SLC25A48: variants seen among roughly 807,000 people sequenced by gnomAD.
SLC25A48 encodes the protein solute carrier family 25 member 48.
Under a neutral mutation model 32.2 loss-of-function variants are expected in SLC25A48, and 29 were observed. The observed-to-expected ratio is 0.90, with a 90% CI of 0.67 to 1.23. The LOEUF is 1.23. Ranked by LOEUF, SLC25A48 falls within the 50% of genes most tolerant of loss-of-function variation. The pLI is 0.00. For synonymous variants in SLC25A48, 164 were observed against 172.3 expected (o/e 0.95, Z 0.38); for missense variants, 399 against 422.7 (o/e 0.94, Z 0.49).
intron 1 of SLC25A48, among the ~76,000 whole-genome samples, chr5:135,582,787 G>T (rs1053029985): frequency 1.3e-5 from 2 of 152,144 alleles, no homozygotes; most frequent in African/African-American, 4.8e-5. Flanking sequence ...TCCACCTGCA[G>T]TGCTCCTCCC....
intron 2 of SLC25A48, among the ~76,000 whole-genome samples, chr5:135,843,904 A>G (rs1759208433): frequency 6.6e-6 from 1 of 152,132 alleles, no homozygotes; most frequent in African/African-American, 2.4e-5. Flanking sequence ...CCAGCCCTGC[A>G]CACCCAGGCC....
At chr5:135,885,413 C>A (rs553873138) in intron 7 of SLC25A48, among the ~76,000 whole-genome samples, 1 of 152,284 alleles carries the variant, frequency 6.6e-6, no homozygotes, top group East Asian at 1.9e-4. Context: ...GACACTCTTA[C>A]CCCCAGCATC....
At chr5:135,880,253 A>C in intron 7 of SLC25A48, 156 bp downstream of exon 7, 3 of 1,120,418 alleles carry the variant, frequency 2.7e-6, no homozygotes, top group Non-Finnish European at 3.7e-6. Flanking sequence ...TTCGTCACCA[A>C]ACAGCAGTTC....
chr5:135,674,230 A>G (rs1160928983), intron 3 of SLC25A48, among the ~76,000 whole-genome samples: 1 of 152,022 alleles, frequency 6.6e-6, no homozygotes, highest in Non-Finnish European at 1.5e-5. Flanking sequence ...AAGTCAGGGT[A>G]TTTGGAGTGT....
At chr5:135,630,532 T>A (rs1315602600) in intron 2 of SLC25A48, among the ~76,000 whole-genome samples, 1 of 144,652 alleles carries the variant, frequency 6.9e-6, no homozygotes, top group Non-Finnish European at 1.5e-5. Flanking sequence ...TTTCTTCTGG[T>A]GCTCAGGGTG....
At position 135,780,276 on chromosome 5, in the gene SLC25A48, C is replaced by T. The variant is rs1159040486; in HGVS notation, c.-520-32247C>T. ...TAATTTTTTGTATTTTTAGTAGAGA[C>T]GGGGTTTCACCGTGTTAGCCAGGAT... On this transcript the variant is annotated intron_variant, in intron 3 of 10. Coordinates refer to the SLC25A48 transcript ENST00000646290. Among the ~76,000 whole-genome samples the T allele has an allele frequency of 4.6e-5, 5 of 107,708 alleles. 1 individual carries two copies. Among genetic ancestry groups the T allele is most frequent in the African/African-American group, 1.4e-4 (5 of 36,094 alleles). 70.7% of individuals were successfully genotyped at this position (107,708 alleles called of 152,430 possible).
At chr5:135,884,850 T>C (rs981066009) in intron 7 of SLC25A48, among the ~76,000 whole-genome samples, 3 of 151,480 alleles carry the variant, frequency 2.0e-5, no homozygotes, top group Non-Finnish European at 4.4e-5. Flanking sequence ...GAGGCTGAGA[T>C]GCAACAACCA....
intron 4 of SLC25A48, chr5:135,812,931 G>A (rs1360685753): frequency 3.9e-5 from 6 of 152,738 alleles, no homozygotes; most frequent in East Asian, 3.9e-4. Flanking sequence ...TTAAAGGTGA[G>A]TGCCAGCTGC....
intron 3 of SLC25A48, among the ~76,000 whole-genome samples, chr5:135,663,777 A>G (rs943682271): frequency 1.3e-5 from 2 of 152,148 alleles, no homozygotes; most frequent in Non-Finnish European, 2.9e-5. Context: ...TCCACCTGTT[A>G]TCACAAGATT....
upstream of SLC25A48, among the ~76,000 whole-genome samples, chr5:135,831,034 T>C (rs55883620): frequency 0.19 from 28,838 of 152,012 alleles, 2,908 homozygotes; most frequent in Middle Eastern, 0.25. Context: ...GATGCTTTGG[T>C]ATAGATCTGA....
At chr5:135,767,959 G>GT (rs1358847346) in intron 3 of SLC25A48, among the ~76,000 whole-genome samples, 87 of 147,192 alleles carry the variant, frequency 5.9e-4, no homozygotes, top group Admixed American at 2.1e-3. Context: ...TAATATCCGG[G>GT]GGGGGGAGAG....
chr5:135,642,027 T>A (rs1453166636), intron 3 of SLC25A48, among the ~76,000 whole-genome samples: 2 of 152,242 alleles, frequency 1.3e-5, no homozygotes, highest in African/African-American at 4.8e-5. Flanking sequence ...TAAGATCTTA[T>A]CTCTTTAATG....
chr5:135,757,939 A>G (rs896755348), intron 3 of SLC25A48, among the ~76,000 whole-genome samples: 2 of 150,548 alleles, frequency 1.3e-5, no homozygotes, highest in African/African-American at 2.4e-5. Flanking sequence ...TAAAATATCT[A>G]CATGATATTT....
At chr5:135,680,036 G>T (rs1026477409) in intron 3 of SLC25A48, among the ~76,000 whole-genome samples, 3 of 152,136 alleles carry the variant, frequency 2.0e-5, no homozygotes, top group African/African-American at 7.2e-5. Flanking sequence ...GCACTGGGTT[G>T]CCTCTCCAAG....
intron 3 of SLC25A48, among the ~76,000 whole-genome samples, chr5:135,689,495 G>A (rs1033455491): frequency 2.0e-5 from 3 of 152,134 alleles, no homozygotes; most frequent in Non-Finnish European, 4.4e-5. Flanking sequence ...TAAAAGAAAG[G>A]GCCTTGAGAG....
chr5:135,824,288 G>T (rs1461621551), intron 4 of SLC25A48: 1 of 152,368 alleles, frequency 6.6e-6, no homozygotes, highest in Non-Finnish European at 1.5e-5. Context: ...ACCACAGTCA[G>T]GTTTGGGCTT....
chr5:135,630,613 TTTTTTTTTGA>T (rs1294982175), intron 2 of SLC25A48, among the ~76,000 whole-genome samples: 1 of 121,318 alleles, frequency 8.2e-6, no homozygotes, highest in African/African-American at 3.5e-5. Flanking sequence ...TTTTTTTTTT[TTTTTTTTTGA>T]GAGAGTCATG....
upstream of SLC25A48, chr5:135,834,564 C>T (rs533026789): frequency 2.9e-4 from 128 of 441,186 alleles, 1 homozygote; most frequent in South Asian, 7.6e-3. Context: ...ACCCTTGCCT[C>T]TTTGTGTCTG....
At chr5:135,887,738 T>C (rs1346956156) in intron 7 of SLC25A48, among the ~76,000 whole-genome samples, 1 of 151,674 alleles carries the variant, frequency 6.6e-6, no homozygotes, top group Non-Finnish European at 1.5e-5. Context: ...TAGGGAGGCC[T>C]TCCCCTTGGG....
Sources: allele counts gnomAD v4.1 joint callset (sites outside exome capture counted in the v4.1 genomes callset), GRCh38; gene constraint gnomAD v4.1.1; transcripts MANE v1.5; gene names NCBI Gene and HGNC (gene_info 2026-07-23, HGNC 2026-07-21).